RAB31: variants seen among roughly 807,000 people sequenced by gnomAD.
The protein encoded by RAB31 is RAB31, member RAS oncogene family, also known as ras-related protein Rab-31.
A neutral mutation model predicts 25.6 loss-of-function variants in RAB31; 21 were observed. That is an observed-to-expected ratio of 0.82 (90% confidence interval 0.58 to 1.18). The LOEUF (loss-of-function observed/expected upper bound fraction) is 1.18. Ranked by LOEUF, RAB31 falls within the 50% of genes most tolerant of loss-of-function variation. The probability of loss-of-function intolerance (pLI) is 0.00; values close to 1 mark genes in which losing one functional copy is unlikely to be tolerated. For missense variants in RAB31, 196 were observed against 250.1 expected (o/e 0.78, Z 1.46); for synonymous variants, 87 against 84.0 (o/e 1.04, Z -0.20).
rs1449835996 is a variant in RAB31, at chr18:9,859,557, T to C, written c.*232T>C. ...ACAAAATGGCCTTTAGTGTATGAAA[T>C]GCACATGGAGGGGATGTAGTTGCAT... On this transcript the variant is annotated 3_prime_UTR_variant, in exon 7 of 7. Coordinates refer to ENST00000578921, the MANE Select transcript of RAB31 (RefSeq NM_006868.4). The C allele has an allele frequency of 2.6e-6, 1 of 384,332 alleles. No homozygotes were observed. Among genetic ancestry groups the C allele is most frequent in the East Asian group, 4.0e-5 (1 of 24,756 alleles). The allele number at this position is 384,332 out of a possible 1,614,324, so 23.8% of individuals were successfully genotyped here.
intron 3 of RAB31, among the ~76,000 whole-genome samples, chr18:9,812,944 T>C (rs955741436): frequency 6.6e-6 from 1 of 151,808 alleles, no homozygotes; most frequent in Non-Finnish European, 1.5e-5. Context: ...TGATCCTGCC[T>C]GCCTCAGCCT....
chr18:9,775,147 C>A (rs1018022794), intron 1 of RAB31, 131 bp from the exon 2 acceptor site: 3 of 1,400,430 alleles, frequency 2.1e-6, no homozygotes, highest in East Asian at 2.5e-5. Context: ...AATATCCCCC[C>A]ACTCCCTCTC....
intron 1 of RAB31, among the ~76,000 whole-genome samples, chr18:9,718,720 AG>A (rs1300552170): frequency 6.6e-6 from 1 of 152,200 alleles, no homozygotes; most frequent in East Asian, 1.9e-4. Flanking sequence ...GTCCACCATC[AG>A]GGTGCCAATA....
intron 1 of RAB31, among the ~76,000 whole-genome samples, chr18:9,773,767 T>A (rs1206219780): frequency 6.6e-6 from 1 of 152,160 alleles, no homozygotes; most frequent in African/African-American, 2.4e-5. Flanking sequence ...CAAGCCATCT[T>A]CCTGCCTCAG....
chr18:9,772,190 C>A, intron 1 of RAB31, among the ~76,000 whole-genome samples: 1 of 151,880 alleles, frequency 6.6e-6, no homozygotes, highest in Non-Finnish European at 1.5e-5. Flanking sequence ...TGATAGATTC[C>A]AAAGGGGTGC....
intron 1 of RAB31, among the ~76,000 whole-genome samples, chr18:9,724,451 A>T (rs912808679): frequency 1.3e-5 from 2 of 152,186 alleles, no homozygotes; most frequent in African/African-American, 4.8e-5. Flanking sequence ...CCAGATGTGC[A>T]CATTCTTATT....
chr18:9,788,055 C>T (rs1486061067), intron 2 of RAB31, among the ~76,000 whole-genome samples: 3 of 152,204 alleles, frequency 2.0e-5, no homozygotes, highest in Non-Finnish European at 4.4e-5. Flanking sequence ...GGCCAGTTAA[C>T]TTCAGGTTAT....
chr18:9,841,305 T>G (rs1053461604), intron 5 of RAB31, among the ~76,000 whole-genome samples: 32 of 151,092 alleles, frequency 2.1e-4, no homozygotes, highest in Non-Finnish European at 1.9e-4. Flanking sequence ...TTTGGGAGAC[T>G]GAGGCGGGTG....
chr18:9,757,556 G>T (rs8085958), intron 1 of RAB31, among the ~76,000 whole-genome samples: 75,754 of 152,038 alleles, frequency 0.5, 19,254 homozygotes, highest in African/African-American at 0.59. Context: ...CTATGGAGAA[G>T]GGGCTTCTGG....
At chr18:9,759,567 G>C (rs1036042493) in intron 1 of RAB31, among the ~76,000 whole-genome samples, 1 of 114,420 alleles carries the variant, frequency 8.7e-6, no homozygotes, top group African/African-American at 3.2e-5. Flanking sequence ...GCTCACAAAG[G>C]TTTCCATATG....
At chr18:9,813,901 T>C (rs975429545) in intron 3 of RAB31, 119 bp from the exon 4 acceptor site, 5 of 545,294 alleles carry the variant, frequency 9.2e-6, no homozygotes, top group Admixed American at 3.2e-5. Flanking sequence ...GGAAAAATTA[T>C]ATAGGGAAGG....
chr18:9,708,826 G>A lies in RAB31; in HGVS notation c.39+382G>A, dbSNP rs1478693180. Reference sequence around the variant, plus strand: ...GCGACCTCGCGGGGACCCCCAGCGGGGACGGGGCAGTGGCGGCGAGTCTGG... The same window carrying A: ...GCGACCTCGCGGGGACCCCCAGCGGAGACGGGGCAGTGGCGGCGAGTCTGG... On this transcript the variant is annotated intron_variant, in intron 1 of 6. Transcript: ENST00000578921. The surrounding 1 kb of genome is among the most constrained non-coding windows in gnomAD (Gnocchi z 6.4). Among the ~76,000 whole-genome samples, 1 of 152,286 alleles carries A rather than the reference G, an allele frequency of 6.6e-6. No homozygotes were observed. Among genetic ancestry groups the A allele is most frequent in the Admixed American group, 6.5e-5 (1 of 15,308 alleles).
intron 1 of RAB31, among the ~76,000 whole-genome samples, chr18:9,765,943 C>T (rs1484763025): frequency 2.7e-5 from 2 of 73,964 alleles, no homozygotes; most frequent in Admixed American, 1.8e-4. Context: ...TGTAGGGGGC[C>T]GGGTGTAGGG....
At chr18:9,791,960 G>A (rs2068462656) in intron 2 of RAB31, among the ~76,000 whole-genome samples, 194 bp from the exon 3 acceptor site, 1 of 151,762 alleles carries the variant, frequency 6.6e-6, no homozygotes, top group African/African-American at 2.4e-5. Context: ...AAAACCCCCA[G>A]TTGAACTAAC....
At chr18:9,768,709 C>T (rs533602189) in intron 1 of RAB31, among the ~76,000 whole-genome samples, 59 of 152,276 alleles carry the variant, frequency 3.9e-4, no homozygotes, top group African/African-American at 1.3e-3. Context: ...AATTAGCTCT[C>T]ATTTGTCAAC....
At chr18:9,833,730 T>G (rs1421160268) in intron 5 of RAB31, among the ~76,000 whole-genome samples, 1 of 152,224 alleles carries the variant, frequency 6.6e-6, no homozygotes, top group Non-Finnish European at 1.5e-5. Flanking sequence ...TACCTCAACA[T>G]CATTGTGTTC....
chr18:9,716,934 T>TTTCTTTC (rs763677584), intron 1 of RAB31, among the ~76,000 whole-genome samples: 8 of 125,504 alleles, frequency 6.4e-5, no homozygotes, highest in East Asian at 2.1e-4. Context: ...TTCTTTCTTT[T>TTTCTTTC]TTTTTTGGTA....
intron 1 of RAB31, among the ~76,000 whole-genome samples, chr18:9,768,199 T>A (rs1302440291): frequency 6.6e-6 from 1 of 152,258 alleles, no homozygotes; most frequent in Non-Finnish European, 1.5e-5. Context: ...GAATGATTTA[T>A]AATCCTTTGT....
intron 3 of RAB31, among the ~76,000 whole-genome samples, chr18:9,812,456 C>T (rs1289288332): frequency 1.3e-5 from 2 of 151,946 alleles, no homozygotes; most frequent in Non-Finnish European, 2.9e-5. Flanking sequence ...AGTATGTGTG[C>T]CTCCCTTCCC....
Sources: gnomAD v4.1 joint callset for allele counts (sites outside exome capture counted in the v4.1 genomes callset) on GRCh38, gnomAD v4.1.1 for gene constraint, Gnocchi (gnomAD v3.1) non-coding constraint, MANE v1.5 for transcripts, NCBI Gene and HGNC (gene_info 2026-07-23, HGNC 2026-07-21) for gene names.